Variants in PDE7B observed in about 807,000 individuals in gnomAD.
PDE7B encodes 3',5'-cyclic-AMP phosphodiesterase 7B.
Under a neutral mutation model 56.2 loss-of-function variants are expected in PDE7B, and 29 were observed. The ratio of observed to expected loss-of-function variants is 0.52; its 90% confidence interval spans 0.38 to 0.70. The LOEUF (loss-of-function observed/expected upper bound fraction) is 0.70. Ranked by LOEUF, PDE7B falls within the 30% of genes least tolerant of loss-of-function variation. The pLI, the probability that PDE7B is intolerant of heterozygous loss-of-function variation, is 0.00. For synonymous variants in PDE7B, 197 were observed against 196.9 expected, an observed-to-expected ratio of 1.00 and a Z score of 0.00; for missense variants, 490 against 565.0, an observed-to-expected ratio of 0.87 and a Z score of 1.35.
chr6:135,991,563 T>A (rs1306713216), intron 2 of PDE7B, among the ~76,000 whole-genome samples: 2 of 152,238 alleles, frequency 1.3e-5, no homozygotes, highest in African/African-American at 4.8e-5. Context: ...TGGCTGAAAT[T>A]CCTTCTGCTA....
chr6:136,056,210 T>C (rs1381655077), intron 2 of PDE7B, among the ~76,000 whole-genome samples: 1 of 152,208 alleles, frequency 6.6e-6, no homozygotes, highest in Non-Finnish European at 1.5e-5. Context: ...CGACAGTTGC[T>C]ATACGTCTTC....
chr6:135,963,664 T>C (rs1049930801), intron 2 of PDE7B, among the ~76,000 whole-genome samples: 1 of 151,952 alleles, frequency 6.6e-6, no homozygotes, highest in Non-Finnish European at 1.5e-5. Flanking sequence ...ACTTTCATAA[T>C]AGAAAAAATA....
At chr6:136,037,998 G>T in intron 2 of PDE7B, 1 of 1,271,704 alleles carries the variant, frequency 7.9e-7, no homozygotes, top group Non-Finnish European at 1.0e-6. Flanking sequence ...CTCTAAGGAA[G>T]GAGTACAGTA....
chr6:135,984,804 A>G (rs1775349726), intron 2 of PDE7B, among the ~76,000 whole-genome samples: 1 of 152,110 alleles, frequency 6.6e-6, no homozygotes, highest in Admixed American at 6.6e-5. Flanking sequence ...GCTGTGAGGT[A>G]CACTGAGATC....
At chr6:135,904,339 T>C (rs903239248) in intron 1 of PDE7B, among the ~76,000 whole-genome samples, 3 of 152,204 alleles carry the variant, frequency 2.0e-5, no homozygotes, top group Admixed American at 6.5e-5. Context: ...TGTTGCTGGC[T>C]GAGCCTGATT....
chr6:135,934,312 A>ATC (rs1774349866), intron 1 of PDE7B, among the ~76,000 whole-genome samples: 4 of 152,204 alleles, frequency 2.6e-5, no homozygotes, highest in Admixed American at 2.0e-4. Context: ...AATGAGATAG[A>ATC]ATATAGGTAT....
At chr6:136,124,605 A>G (rs1290091842) in intron 3 of PDE7B, among the ~76,000 whole-genome samples, 1 of 152,320 alleles carries the variant, frequency 6.6e-6, no homozygotes, top group East Asian at 1.9e-4. Context: ...ATGGAAATCA[A>G]ATTAGCTCCC....
chr6:136,066,342 C>T (rs1369476669), intron 2 of PDE7B, among the ~76,000 whole-genome samples: 1 of 152,162 alleles, frequency 6.6e-6, no homozygotes, highest in Admixed American at 6.5e-5. Context: ...GATGCATGGT[C>T]TCAGAGTAGA....
intron 2 of PDE7B, among the ~76,000 whole-genome samples, chr6:135,983,522 A>G (rs976788316): frequency 6.6e-6 from 1 of 152,202 alleles, no homozygotes; most frequent in Non-Finnish European, 1.5e-5. Context: ...TGTGCAGGGT[A>G]TAAGAAGTGT....
intron 1 of PDE7B, among the ~76,000 whole-genome samples, chr6:135,873,487 A>T (rs1295475156): frequency 6.6e-6 from 1 of 152,168 alleles, no homozygotes. Flanking sequence ...ATTATCTTTT[A>T]TATAGATCTT....
chr6:136,132,306 G>A (rs1030101279), intron 3 of PDE7B, among the ~76,000 whole-genome samples: 1 of 151,898 alleles, frequency 6.6e-6, no homozygotes, highest in Admixed American at 6.6e-5. Context: ...TCCTTTGGGT[G>A]CTGATACATC....
intron 2 of PDE7B, chr6:136,037,499 A>G (rs1257649186): frequency 1.0e-6 from 1 of 985,334 alleles, no homozygotes; most frequent in African/African-American, 1.7e-5. Context: ...CTGAGGATCA[A>G]CCAAGCCCAT....
chr6:136,021,609 A>T (rs145098658), intron 2 of PDE7B, among the ~76,000 whole-genome samples: 2,469 of 151,060 alleles, frequency 0.016, 35 homozygotes, highest in Non-Finnish European at 0.021. Context: ...GCACCACTGC[A>T]CTCCAGTCTG....
chr6:136,080,351 CATTCTCACAATTTCTT>C (rs1262794931), intron 2 of PDE7B, among the ~76,000 whole-genome samples: 59 of 152,314 alleles, frequency 3.9e-4, no homozygotes, highest in African/African-American at 1.3e-3. Context: ...TGAGAACAAA[CATTCTCACAATTTCTT>C]ATTCTTCCTT....
chr6:136,176,499 T>G (rs538849508), intron 9 of PDE7B, among the ~76,000 whole-genome samples: 105 of 152,258 alleles, frequency 6.9e-4, no homozygotes, highest in African/African-American at 2.4e-3. Flanking sequence ...TTGCACAATA[T>G]GAATGTACCA....
chr6:135,935,866 C>G (rs1340218283), intron 1 of PDE7B, among the ~76,000 whole-genome samples: 1 of 152,174 alleles, frequency 6.6e-6, no homozygotes, highest in Non-Finnish European at 1.5e-5. Context: ...TTTCTGAGGC[C>G]AAATGCATGT....
At chr6:136,143,678 T>C (rs1778365719) in intron 3 of PDE7B, among the ~76,000 whole-genome samples, 1 of 152,110 alleles carries the variant, frequency 6.6e-6, no homozygotes, top group Non-Finnish European at 1.5e-5. Context: ...TAAAAACAGA[T>C]CTAAACTTAA....
chr6:136,173,657 G>GTTT, intron 8 of PDE7B, 140 bp from the exon 9 acceptor site: 1 of 613,950 alleles, frequency 1.6e-6, no homozygotes, highest in African/African-American at 1.9e-5. Context: ...TATCTTTTGG[G>GTTT]TTTTTTTTTC....
chr6:135,885,897 C>G (rs1477403092), intron 1 of PDE7B, among the ~76,000 whole-genome samples: 1 of 137,952 alleles, frequency 7.2e-6, no homozygotes, highest in Non-Finnish European at 1.6e-5. Flanking sequence ...TGGCGGACTC[C>G]TGTTAATTCA....
Sources: allele counts gnomAD v4.1 joint callset (sites outside exome capture counted in the v4.1 genomes callset), GRCh38; gene constraint gnomAD v4.1.1; transcripts MANE v1.5; gene names NCBI Gene and HGNC (gene_info 2026-07-23, HGNC 2026-07-21).